PC: variants seen among roughly 807,000 people sequenced by gnomAD.
The protein encoded by PC is pyruvate carboxylase, also known as pyruvate carboxylase, mitochondrial.
A neutral mutation model predicts 107.8 loss-of-function variants in PC; 46 were observed. The ratio of observed to expected loss-of-function variants is 0.43; its 90% CI spans 0.34 to 0.55. The LOEUF (loss-of-function observed/expected upper bound fraction) is 0.55, where lower values mean the gene tolerates loss of function less well. PC is among the 20% of genes least tolerant of loss of function. The pLI is 0.04. For missense variants in PC, 1,241 were observed against 1,643.1 expected, an observed-to-expected ratio of 0.76 and a Z score of 4.23; for synonymous variants, 662 against 684.7, an observed-to-expected ratio of 0.97 and a Z score of 0.52.
chr11:66,874,233 T>C (rs1184449578), intron 3 of PC, among the ~76,000 whole-genome samples: 1 of 152,218 alleles, frequency 6.6e-6, no homozygotes, highest in Non-Finnish European at 1.5e-5. Flanking sequence ...GTGCTGGGAT[T>C]ACAGGTGTGA....
chr11:66,870,227 A>G lies in PC; in HGVS notation c.903+75T>C. 1.9e-6 allele frequency: 3 copies of G among 1,581,628 alleles called. No individual in the cohort carries two copies. Among genetic ancestry groups the G allele is most frequent in the Non-Finnish European group, 2.6e-6 (3 of 1,159,758 alleles). On this transcript the variant is annotated intron_variant, in intron 9 of 22. Transcript: ENST00000393960. The surrounding 1 kb of genome is among the most constrained non-coding windows in gnomAD (Gnocchi z 6.1). The stretch of plus-strand genomic sequence containing the variant: ...AGGGGACTCAGGGTCCCCTTCCCCA[A>G]CCAGCGCCCCACTGTGAGGCCTGCC...
At position 66,870,234 on chromosome 11, in the gene PC, C is replaced by T; in HGVS notation, c.903+68G>A. 1 of 1,591,746 alleles carries T rather than the reference C, an allele frequency of 6.3e-7. No homozygotes were observed. The highest frequency in any genetic ancestry group is 8.6e-7 in the Non-Finnish European group (1 of 1,167,144). On this transcript the variant is annotated intron_variant, in intron 9 of 22. Transcript: ENST00000393960. This position sits in a 1 kb window ranked among gnomAD's most constrained non-coding sequence, Gnocchi z 6.1. ...TCAGGGTCCCCTTCCCCAACCAGCG[C>T]CCCACTGTGAGGCCTGCCGGCCTGT... is the stretch of plus-strand genomic sequence containing the variant.
intron 3 of PC, among the ~76,000 whole-genome samples, chr11:66,889,680 G>A (rs1947497534): frequency 6.6e-6 from 1 of 151,874 alleles, no homozygotes; most frequent in Admixed American, 6.6e-5. Context: ...AGTCTCACAT[G>A]TATTATTTTG....
chr11:66,916,616 C>T (rs770757103), intron 3 of PC, among the ~76,000 whole-genome samples: 5 of 152,038 alleles, frequency 3.3e-5, no homozygotes, highest in Non-Finnish European at 7.4e-5. Flanking sequence ...AACCAATAAA[C>T]GTGGAAGGGA....
At chr11:66,851,404 G>C in intron 16 of PC, 124 bp from the exon 17 acceptor site, 2 of 1,422,682 alleles carry the variant, frequency 1.4e-6, no homozygotes, top group Non-Finnish European at 1.9e-6. Context: ...TCGCCTGGCA[G>C]GGGGTGTGGC....
chr11:66,893,835 CAACCAGACA>C, intron 3 of PC, among the ~76,000 whole-genome samples: 1 of 149,270 alleles, frequency 6.7e-6, no homozygotes, highest in Admixed American at 6.7e-5. Context: ...ACACCAAACC[CAACCAGACA>C]CCTCCTCCTT....
chr11:66,943,749 C>T (rs1444389509), intron 3 of PC, among the ~76,000 whole-genome samples: 1 of 106,782 alleles, frequency 9.4e-6, no homozygotes, highest in Non-Finnish European at 1.8e-5. Flanking sequence ...GAGCAAGACT[C>T]CGGCTCAAAA....
In PC at chr11:66,944,153, C is replaced by T. The variant is rs1473657617; in HGVS notation, c.-1+8277G>A. On this transcript the variant is annotated intron_variant, in intron 3 of 22. Transcript: ENST00000393960. ...AAAATTAGCCGGGTGTGATGGTGGGCGCCTGTAGTCCCAGCTACTTGGGAG... is the reference window on the plus strand; with the variant it reads ...AAAATTAGCCGGGTGTGATGGTGGGTGCCTGTAGTCCCAGCTACTTGGGAG... Among the ~76,000 whole-genome samples, 6 of 113,766 alleles carry T rather than the reference C, an allele frequency of 5.3e-5. 2 individuals are homozygous for T. The highest frequency in any genetic ancestry group is 1.3e-4 in the African/African-American group (4 of 31,428). 74.6% of individuals were successfully genotyped at this position (113,766 alleles called of 152,430 possible).
At chr11:66,923,858 C>G (rs1199082993) in intron 3 of PC, among the ~76,000 whole-genome samples, 1 of 128,846 alleles carries the variant, frequency 7.8e-6, no homozygotes, top group Non-Finnish European at 1.6e-5. Context: ...AAGCACATAG[C>G]TTCAGAATGT....
At chr11:66,937,781 T>G (rs77373485) in intron 3 of PC, among the ~76,000 whole-genome samples, 1 of 130,440 alleles carries the variant, frequency 7.7e-6, no homozygotes, top group Non-Finnish European at 1.6e-5. Context: ...GTTTTTTTTG[T>G]TTTTTTTTTT....
intron 3 of PC, among the ~76,000 whole-genome samples, chr11:66,926,211 T>C (rs1184610411): frequency 2.6e-5 from 4 of 152,222 alleles, no homozygotes; most frequent in African/African-American, 7.2e-5. Flanking sequence ...CTATCTGAAA[T>C]ATACCACTTA....
chr11:66,909,927 C>T (rs1034985890), intron 3 of PC, among the ~76,000 whole-genome samples: 13 of 152,028 alleles, frequency 8.6e-5, no homozygotes, highest in Non-Finnish European at 1.6e-4. Flanking sequence ...CAGAAGGGGA[C>T]GCAGGGGCCT....
intron 3 of PC, 97 bp from the exon 4 acceptor site, chr11:66,872,256 G>T: frequency 7.2e-7 from 1 of 1,397,454 alleles, no homozygotes; most frequent in Non-Finnish European, 9.9e-7. Context: ...TGGCCCCACA[G>T]AAAGGCTAGC....
chr11:66,887,284 C>T (rs60887721), intron 3 of PC, among the ~76,000 whole-genome samples: 63 of 152,136 alleles, frequency 4.1e-4, no homozygotes, highest in African/African-American at 1.5e-3. Context: ...CAGCGAACCA[C>T]CACCAGATAT....
At chr11:66,928,249 C>T (rs1048665102) in intron 3 of PC, among the ~76,000 whole-genome samples, 7 of 151,828 alleles carry the variant, frequency 4.6e-5, no homozygotes, top group African/African-American at 1.2e-4. Context: ...TAGCCAGGCG[C>T]GGTGGTGGAC....
Position 66,871,109 on chromosome 11 carries a change from G to T in PC, c.576C>A (p.Ile192=), listed in dbSNP as rs758308970. The T allele has an allele frequency of 3.1e-6, 5 of 1,613,874 alleles. No individual in the cohort carries two copies. Among genetic ancestry groups the T allele is most frequent in the Admixed American group, 1.7e-5 (1 of 59,980 alleles). The change falls in exon 7 of 23, where the codon ATC becomes ATA. Residue 192 remains isoleucine, a synonymous_variant. Transcript: ENST00000393960. This position sits in a 1 kb window ranked among gnomAD's most constrained non-coding sequence, Gnocchi z 7.4. ...CTCCACCCCCATAGGCCGCCTTGAAGATGATGGGGAAGCCGTAGGTGTTGG... is the reference window on the plus strand; with the variant it reads ...CTCCACCCCCATAGGCCGCCTTGAATATGATGGGGAAGCCGTAGGTGTTGG... ...EFSNTYGFPI[I]FKAAYGGGGR...
intron 3 of PC, among the ~76,000 whole-genome samples, chr11:66,925,000 T>A (rs894479485): frequency 6.6e-6 from 1 of 151,840 alleles, no homozygotes; most frequent in African/African-American, 2.4e-5. Flanking sequence ...CCCCCAGCCA[T>A]AAAACCAGCA....
chr11:66,853,092 G>C (rs1856715895), intron 13 of PC, 147 bp downstream of exon 13: 3 of 878,520 alleles, frequency 3.4e-6, no homozygotes, highest in Admixed American at 2.3e-5. Flanking sequence ...TGCAGGACAA[G>C]AGGACGCAGG....
chr11:66,859,115 C>T (rs1444953841), intron 12 of PC: 1 of 1,479,140 alleles, frequency 6.8e-7, no homozygotes, highest in African/African-American at 1.4e-5. Context: ...TGCCCCACAC[C>T]CGGCTGCACT....
Sources: gnomAD v4.1 joint callset for allele counts (sites outside exome capture counted in the v4.1 genomes callset) on GRCh38, gnomAD v4.1.1 for gene constraint, Gnocchi (gnomAD v3.1) non-coding constraint, MANE v1.5 for transcripts, NCBI Gene and HGNC (gene_info 2026-07-23, HGNC 2026-07-21) for gene names.